MYO3A: variants seen among roughly 807,000 people sequenced by gnomAD.
MYO3A encodes the protein myosin-IIIa.
MYO3A carries 180 observed loss-of-function variants against 192.7 expected under a neutral mutation model. That is an observed-to-expected ratio of 0.93 (90% CI 0.83 to 1.06). MYO3A has a LOEUF of 1.06. Ranked by LOEUF, MYO3A falls within the 50% of genes least tolerant of loss-of-function variation. MYO3A has a pLI of 0.00. For missense variants in MYO3A, 1,896 were observed against 1,905.0 expected, an observed-to-expected ratio of 1.00 and a Z score of 0.09; for synonymous variants, 628 against 645.3, an observed-to-expected ratio of 0.97 and a Z score of 0.41.
At chr10:25,944,999 T>A (rs189174087) in intron 2 of MYO3A, among the ~76,000 whole-genome samples, 5 of 152,204 alleles carry the variant, frequency 3.3e-5, no homozygotes, top group African/African-American at 9.6e-5. Flanking sequence ...CATATTTTTC[T>A]TCCTTTTTAA....
rs144969178 is a variant in MYO3A at position 26,146,053 on chromosome 10, G to C, written c.2505+519G>C. On this transcript the variant is annotated intron_variant, in intron 22 of 34. Transcript: ENST00000642920. ...CCCTTTCAAGAAGAGAAGGTGCCAG[G>C]CTGGAGGTACAGTCAGATAACTGAG... is the stretch of plus-strand genomic sequence containing the variant. 1.7e-3 allele frequency among the ~76,000 whole-genome samples: 266 copies of C among 152,258 alleles called. 2 individuals are homozygous for C. Among genetic ancestry groups the C allele is most frequent in the African/African-American group, 5.6e-3 (231 of 41,552 alleles).
At chr10:26,071,364 CAT>C (rs1352010421) in intron 14 of MYO3A, among the ~76,000 whole-genome samples, 13 of 152,070 alleles carry the variant, frequency 8.5e-5, no homozygotes, top group African/African-American at 2.4e-4. Flanking sequence ...TCTATACTCA[CAT>C]GTTATACAAA....
At chr10:26,003,484 A>C (rs6482525) in intron 6 of MYO3A, among the ~76,000 whole-genome samples, 14,287 of 152,164 alleles carry the variant, frequency 0.094, 1,177 homozygotes, top group African/African-American at 0.21. Flanking sequence ...TTTAAGAAAA[A>C]CTTTTAGTTT....
intron 17 of MYO3A, among the ~76,000 whole-genome samples, chr10:26,113,112 A>C (rs982750070): frequency 6.6e-6 from 1 of 152,204 alleles, no homozygotes; most frequent in African/African-American, 2.4e-5. Flanking sequence ...TTGTGAAAGA[A>C]ATTAAATATT....
chr10:25,971,667 C>T (rs1838655969), intron 4 of MYO3A, among the ~76,000 whole-genome samples: 1 of 152,194 alleles, frequency 6.6e-6, no homozygotes, highest in African/African-American at 2.4e-5. Context: ...TATGTCATCT[C>T]TCTGCCTTCT....
rs538318098 is a variant in MYO3A, at chr10:26,054,256, A to T, written c.954-12719A>T. ...GGTCGGAAACAATGGTGGCTTAAAG[A>T]TCAGTGTAGTAGCAATGGAAGTTTT... On this transcript the variant is annotated intron_variant, in intron 10 of 34. Transcript: ENST00000642920. Among the ~76,000 whole-genome samples the T allele has an allele frequency of 4.6e-5, 7 of 152,358 alleles. No individual in the cohort carries two copies. In the East Asian group the frequency reaches 1.2e-3, roughly 25 times the overall value.
chr10:25,978,211 A>T (rs1363407239), intron 4 of MYO3A, among the ~76,000 whole-genome samples: 2 of 152,184 alleles, frequency 1.3e-5, no homozygotes, highest in Non-Finnish European at 2.9e-5. Context: ...TGTCTTGAAA[A>T]ATTAAGTGGC....
chr10:26,136,184 C>G (rs1839837476), intron 20 of MYO3A, among the ~76,000 whole-genome samples: 1 of 152,096 alleles, frequency 6.6e-6, no homozygotes, highest in Non-Finnish European at 1.5e-5. Context: ...CTCATTCTTC[C>G]TTCCTTGACC....
At chr10:26,110,586 T>G (rs1040074849) in intron 17 of MYO3A, among the ~76,000 whole-genome samples, 2 of 152,146 alleles carry the variant, frequency 1.3e-5, no homozygotes, top group African/African-American at 4.8e-5. Context: ...CCATAGCACC[T>G]TTTGTCTGAG....
chr10:26,171,406 C>T (rs1382223038), intron 29 of MYO3A, among the ~76,000 whole-genome samples: 1 of 152,148 alleles, frequency 6.6e-6, no homozygotes, highest in Non-Finnish European at 1.5e-5. Flanking sequence ...ATCTAACGTT[C>T]TCTTCACCCA....
intron 10 of MYO3A, among the ~76,000 whole-genome samples, chr10:26,043,811 C>G (rs899407283): frequency 3.3e-5 from 5 of 152,170 alleles, no homozygotes; most frequent in Admixed American, 6.5e-5. Context: ...CTGTATGCCC[C>G]TGTGGCAAAG....
chr10:26,155,801 A>G (rs2131922984), intron 25 of MYO3A, among the ~76,000 whole-genome samples: 1 of 152,306 alleles, frequency 6.6e-6, no homozygotes, highest in South Asian at 2.1e-4. Flanking sequence ...CACTGAACGT[A>G]TTTACAGCCA....
At chr10:26,172,053 ACT>A (rs1344086809) in intron 29 of MYO3A, among the ~76,000 whole-genome samples, 2 of 152,112 alleles carry the variant, frequency 1.3e-5, no homozygotes, top group African/African-American at 4.8e-5. Flanking sequence ...GATTGGGCTA[ACT>A]CTCATGGGAG....
intron 15 of MYO3A, among the ~76,000 whole-genome samples, chr10:26,092,236 G>T (rs546320854): frequency 2.6e-5 from 4 of 152,326 alleles, no homozygotes; most frequent in African/African-American, 9.6e-5. Context: ...GGGAGGCCGA[G>T]GCGGGTGGAT....
At position 26,157,321 on chromosome 10, in the gene MYO3A, G is replaced by A. The variant is rs1176850798; in HGVS notation, c.2805G>A (p.Met935Ile). ...TVASYFRYSL[M>I]DLLSKMVVGQ... ...GTTGTGTATTATAGTATTCCCTGAT[G>A]GATTTGTTGTCTAAAATGGTGGTGG... The change falls in exon 26 of 35, where the codon ATG (methionine) becomes ATA (isoleucine). Residue 935 changes from methionine (M) to isoleucine (I), a missense_variant. Coordinates refer to ENST00000642920, the MANE Select transcript of MYO3A (RefSeq NM_017433.5). 1 of 1,613,964 alleles carries A rather than the reference G, an allele frequency of 6.2e-7. No homozygotes were observed.
chr10:25,944,473 C>T (rs988150015), intron 2 of MYO3A, among the ~76,000 whole-genome samples: 2 of 151,870 alleles, frequency 1.3e-5, no homozygotes, highest in African/African-American at 2.4e-5. Context: ...GAAGGATTGT[C>T]GTTAATTATT....
intron 32 of MYO3A, among the ~76,000 whole-genome samples, chr10:26,194,905 A>G (rs1429986687): frequency 6.6e-6 from 1 of 152,226 alleles, no homozygotes; most frequent in Admixed American, 6.5e-5. Context: ...ATAGAGATAT[A>G]TACACACACA....
intron 6 of MYO3A, among the ~76,000 whole-genome samples, chr10:26,004,894 G>A (rs1485132398): frequency 6.6e-6 from 1 of 152,134 alleles, no homozygotes; most frequent in East Asian, 1.9e-4. Context: ...ACAGAAGAAT[G>A]CTGATGAGTA....
intron 34 of MYO3A, among the ~76,000 whole-genome samples, chr10:26,205,886 T>C (rs1843909859): frequency 6.6e-6 from 1 of 152,144 alleles, no homozygotes; most frequent in African/African-American, 2.4e-5. Context: ...CCCAAAATGC[T>C]GGGATTACAG....
Sources: gnomAD v4.1 joint callset for allele counts (sites outside exome capture counted in the v4.1 genomes callset) on GRCh38, gnomAD v4.1.1 for gene constraint, MANE v1.5 for transcripts, NCBI Gene and HGNC (gene_info 2026-07-23, HGNC 2026-07-21) for gene names.